Variants in MUC4 observed in about 807,000 individuals in gnomAD.
MUC4 encodes the protein mucin 4, cell surface associated, also known as mucin-4.
MUC4 carries 202 observed loss-of-function variants against 257.9 expected under a neutral mutation model. That is an observed-to-expected ratio of 0.78 (90% CI 0.70 to 0.88). MUC4 has a LOEUF of 0.88. Ranked by LOEUF, MUC4 falls within the 40% of genes least tolerant of loss-of-function variation. The pLI is 0.00. For missense variants in MUC4, 5,976 were observed against 6,513.7 expected, an observed-to-expected ratio of 0.92 and a Z score of 2.84; for synonymous variants, 2,351 against 2,757.1, an observed-to-expected ratio of 0.85 and a Z score of 4.62.
intron 16 of MUC4, among the ~76,000 whole-genome samples, chr3:195,759,654 T>TA (rs1718367325): frequency 1.3e-5 from 2 of 152,176 alleles, no homozygotes; most frequent in Non-Finnish European, 2.9e-5. Context: ...GCTGGGTGTC[T>TA]CATGTCTGTA....
intron 16 of MUC4, among the ~76,000 whole-genome samples, chr3:195,760,442 G>C (rs928456436): frequency 8.8e-6 from 1 of 113,272 alleles, no homozygotes; most frequent in Non-Finnish European, 1.9e-5. Context: ...AGGAGCCTGC[G>C]GGGCTGGAGT....
At chr3:195,772,342 C>A (rs956608863) in intron 4 of MUC4, among the ~76,000 whole-genome samples, 4 of 141,540 alleles carry the variant, frequency 2.8e-5, no homozygotes, top group East Asian at 2.0e-4. Flanking sequence ...GGTGTAGACA[C>A]CCTCTCTCCA....
At chr3:195,769,197 C>G in intron 6 of MUC4, 45 bp from the exon 7 acceptor site, 1 of 1,607,650 alleles carries the variant, frequency 6.2e-7, no homozygotes, top group Admixed American at 1.7e-5. Context: ...GTGAGAGATC[C>G]GGGGTCTCCT....
At chr3:195,806,871 T>G (rs1560423710) in intron 1 of MUC4, among the ~76,000 whole-genome samples, 1 of 152,236 alleles carries the variant, frequency 6.6e-6, no homozygotes, top group Non-Finnish European at 1.5e-5. Context: ...GTAGAAATTC[T>G]GCAAGTGAAT....
Position 195,786,730 on chromosome 3 carries a change from A to G in MUC4, c.4850T>C (p.Leu1617Pro), listed in dbSNP as rs773515840. The change falls in exon 2 of 25, where the codon CTT (leucine) becomes CCT (proline). Residue 1617 changes from leucine (L) to proline (P), a missense_variant. Transcript: ENST00000463781. ...TGCTGAGGAAGTGTCGGTGACAGGA[A>G]GAGGGGTGGTGTGACCTGTAGATGC... ...SSASTGHTTP[L>P]PVTDTSSAST... 1.6e-5 allele frequency: 24 copies of G among 1,500,216 alleles called. No individual in the cohort carries two copies. The African/African-American group carries it at 3.5e-4, about 22-fold the overall frequency. 92.9% of individuals were successfully genotyped at this position (1,500,216 alleles called of 1,614,324 possible). A position where few individuals can be genotyped will look rare whatever the true frequency, so the allele number is the denominator to read the frequency against.
chr3:195,761,939 G>C (rs1043145036), intron 14 of MUC4, 148 bp downstream of exon 14: 1 of 997,474 alleles, frequency 1.0e-6, no homozygotes, highest in Non-Finnish European at 1.4e-6. Context: ...GAAGCCCCTC[G>C]GCTCCCGGCC....
chr3:195,755,056 G>T lies in MUC4; in HGVS notation c.15169-684C>A, dbSNP rs1022031189. Among the ~76,000 whole-genome samples the T allele has an allele frequency of 5.3e-5, 8 of 152,002 alleles. No homozygotes were observed. The highest frequency in any genetic ancestry group is 1.9e-4 in the African/African-American group (8 of 41,374). ...TTTTGAGACAGGGTCCCACTCGGTT[G>T]CCCAGGCTGGAGTGCAATGTCTTGA... is the stretch of plus-strand genomic sequence containing the variant. On this transcript the variant is annotated intron_variant, in intron 18 of 24. Transcript: ENST00000463781. The surrounding 1 kb of genome is among the most constrained non-coding windows in gnomAD (Gnocchi z 5.0).
Position 195,771,787 on chromosome 3 carries a change from T to C in MUC4, c.13107A>G (p.Pro4369=). The change falls in exon 5 of 25, where the codon CCA becomes CCG. Residue 4369 remains proline, a synonymous_variant. Coordinates refer to ENST00000463781, the MANE Select transcript of MUC4 (RefSeq NM_018406.7). The part of the protein sequence containing the change: ...YFTDNGQIIF[P]ESDYQIFSYP... ...AGGAGAAAATCTGGTAGTCTGACTCTGGGAAGATGATCTGGCCATTGTCTG... is the reference window on the plus strand; with the variant it reads ...AGGAGAAAATCTGGTAGTCTGACTCCGGGAAGATGATCTGGCCATTGTCTG... 1 of 1,613,924 alleles carries C rather than the reference T, an allele frequency of 6.2e-7. No homozygotes were observed.
chr3:195,753,385 G>A (rs995352481), intron 19 of MUC4, 155 bp from the exon 20 acceptor site: 29 of 704,076 alleles, frequency 4.1e-5, no homozygotes, highest in African/African-American at 9.3e-5. Context: ...TTTTCCAGGC[G>A]TTTCTCTGCA....
Position 195,790,222 on chromosome 3 carries a change from G to A in MUC4, c.1358C>T (p.Thr453Ile), listed in dbSNP as rs771871529. Residue 453 changes from threonine (T) to isoleucine (I), a missense_variant, in exon 2 of 25, where the codon ACC becomes ATC. Thr to Ile is a moderately conservative substitution (Grantham distance 89, BLOSUM62 -1). This residue lies in a region of MUC4 where 1,583 missense variants were observed against 1,257.4 expected (regional missense o/e 1.26). Transcript: ENST00000463781. ...GGTCTCTGCACCTTCACTCTGCTGG[G>A]TGTGGAAAGCTGTGGATATTTTTGG... ...LPPKISTAFH[T>I]QQSEGAETTG... The A allele has an allele frequency of 6.2e-7, 1 of 1,614,042 alleles. No individual in the cohort carries two copies. Among genetic ancestry groups the A allele is most frequent in the South Asian group, 1.1e-5 (1 of 91,086 alleles).
In MUC4 at chr3:195,752,243, G is replaced by A. The variant is rs560086204; in HGVS notation, c.15582+130C>T. 333 of 860,110 alleles carry A rather than the reference G, an allele frequency of 3.9e-4. 2 individuals carry two copies. The East Asian group carries it at 8.1e-3, about 21-fold the overall frequency. The allele number at this position is 860,110 out of a possible 1,614,324, so 53.3% of individuals were successfully genotyped here. On this transcript the variant is annotated intron_variant, in intron 21 of 24. Transcript: ENST00000463781. ...ATGCCCTGCACCTCCCATGGGGCAA[G>A]AGGCTCCGGCCTCCTCTGGCAGTTG...
intron 16 of MUC4, among the ~76,000 whole-genome samples, chr3:195,760,648 G>A (rs1383859985): frequency 7.2e-6 from 1 of 138,442 alleles, no homozygotes; most frequent in African/African-American, 3.4e-5. Context: ...GACGGAGGGG[G>A]CTGGGAAGGC....
intron 7 of MUC4, among the ~76,000 whole-genome samples, chr3:195,767,944 C>CTCCACCGCCACT (rs1560266928): frequency 7.8e-6 from 1 of 128,286 alleles, no homozygotes; most frequent in African/African-American, 2.9e-5. Context: ...CCACTACCAC[C>CTCCACCGCCACT]ACCACCACCA....
Position 195,789,622 on chromosome 3 carries a change from C to T in MUC4, c.1958G>A (p.Arg653Lys), listed in dbSNP as rs752168083. Reference protein sequence around the residue: ...PQTTQESQTTRSVSPMTDTKT... With the variant: ...PQTTQESQTTKSVSPMTDTKT... ...GGTGTCAGTCATGGGGGAGACGGAC[C>T]TCGTGGTTTGTGATTCTTGTGTGGT... The change falls in exon 2 of 25, where the codon AGG becomes AAG. Residue 653 changes from arginine to lysine, a missense_variant. Arg to Lys is a conservative substitution (Grantham distance 26). Coordinates refer to ENST00000463781, the MANE Select transcript of MUC4 (RefSeq NM_018406.7). 10 of 1,613,876 alleles carry T rather than the reference C, an allele frequency of 6.2e-6. No individual in the cohort carries two copies. Among genetic ancestry groups the T allele is most frequent in the Non-Finnish European group, 8.5e-6 (10 of 1,179,860 alleles).
At chr3:195,811,599 C>G in intron 1 of MUC4, 137 bp downstream of exon 1, 2 of 697,030 alleles carry the variant, frequency 2.9e-6, no homozygotes, top group Non-Finnish European at 4.9e-6. Flanking sequence ...TCTCTCCCTT[C>G]TCTTCCTCTT....
Position 195,786,333 on chromosome 3 carries a change from G to T in MUC4, c.5247C>A (p.Asp1749Glu), listed in dbSNP as rs1397764257. Residue 1749 changes from aspartate to glutamate, a missense_variant, in exon 2 of 25, where the codon GAC (aspartate) becomes GAA (glutamate). Asp to Glu is a conservative substitution (Grantham distance 45). Transcript: ENST00000463781. ...CCTGACCTGTGGATGCTGAGGAAGC[G>T]TCAGTGACAAGAAGAGGGCTGGCGT... ...TGHASPLLVT[D>E]ASSASTGQAT... The T allele has an allele frequency of 6.6e-7, 1 of 1,515,904 alleles. No individual in the cohort carries two copies. The highest frequency in any genetic ancestry group is 1.4e-5 in the African/African-American group (1 of 69,054). The allele number at this position is 1,515,904 out of a possible 1,614,324, so 93.9% of individuals were successfully genotyped here.
intron 1 of MUC4, among the ~76,000 whole-genome samples, chr3:195,794,118 TTAAATAAA>T (rs5855532): frequency 1.3e-5 from 2 of 149,404 alleles, no homozygotes; most frequent in South Asian, 2.1e-4. Context: ...AAAATAGATA[TTAAATAAA>T]TAAAGAAAAA....
At position 195,763,627 on chromosome 3, in the gene MUC4, C is replaced by T; in HGVS notation, c.14059G>A (p.Asp4687Asn). ...CCATCCAAGGTGGTGATGTGGGGGT[C>T]CCCGAACATCCAGGCTGGAAGGAAA... ...RPPQPAWMFG[D>N]PHITTLDGVS... The change falls in exon 12 of 25, where the codon GAC (aspartate) becomes AAC (asparagine). Residue 4687 changes from aspartate to asparagine, a missense_variant. By Grantham distance (23) the Asp-to-Asn change is conservative. Around this residue, in one of 44 missense-constraint regions of MUC4, gnomAD observed 996 missense variants for 1,137.3 expected, o/e 0.88. Transcript: ENST00000463781. The T allele has an allele frequency of 6.5e-7, 1 of 1,536,950 alleles. No homozygotes were observed. The highest frequency in any genetic ancestry group is 8.8e-7 in the Non-Finnish European group (1 of 1,134,824).
chr3:195,811,749 C>A lies in MUC4; in HGVS notation c.69G>T (p.Pro23=). 2 of 1,614,002 alleles carry A rather than the reference C, an allele frequency of 1.2e-6. No homozygotes were observed. The highest frequency in any genetic ancestry group is 1.7e-6 in the Non-Finnish European group (2 of 1,179,970). Residue 23 remains proline (P), a synonymous_variant, in exon 1 of 25, where the codon CCG becomes CCT. Coordinates refer to ENST00000463781, the MANE Select transcript of MUC4 (RefSeq NM_018406.7). The part of the protein sequence containing the change: ...SLSCLCLCLL[P]HVVPGTTEDT... The stretch of plus-strand genomic sequence containing the variant: ...TCCATCACTTACCTGGGACCACATG[C>A]GGAAGGAGGCAGAGACACAGGCAGC...
Sources: allele counts gnomAD v4.1 joint callset (sites outside exome capture counted in the v4.1 genomes callset), GRCh38; gene constraint gnomAD v4.1.1; regional missense constraint gnomAD v4.1.1; non-coding constraint Gnocchi (gnomAD v3.1); transcripts MANE v1.5; gene names NCBI Gene and HGNC (gene_info 2026-07-23, HGNC 2026-07-21).